CSMD2: variants seen among roughly 807,000 people sequenced by gnomAD.
The protein encoded by CSMD2 is CUB and Sushi multiple domains 2.
A neutral mutation model predicts 398.5 loss-of-function variants in CSMD2; 130 were observed. That is an observed-to-expected ratio of 0.33 (90% CI 0.28 to 0.38). The LOEUF is 0.38. CSMD2 is among the 10% of genes least tolerant of loss of function. The pLI is 1.00. For missense variants in CSMD2, 3,829 were observed against 4,764.9 expected (o/e 0.80, Z 5.78); for synonymous variants, 1,828 against 1,908.5 (o/e 0.96, Z 1.10).
chr1:33,840,350 A>G (rs905009694), intron 6 of CSMD2, among the ~76,000 whole-genome samples: 1 of 152,100 alleles, frequency 6.6e-6, no homozygotes, highest in Non-Finnish European at 1.5e-5. Context: ...CTGCCTGGCT[A>G]CCTCTTATTT....
intron 10 of CSMD2, among the ~76,000 whole-genome samples, chr1:33,803,848 C>G (rs886471866): frequency 6.6e-6 from 1 of 152,228 alleles, no homozygotes. Flanking sequence ...TGCTTTAGTT[C>G]AGGAGATAGA....
intron 19 of CSMD2, among the ~76,000 whole-genome samples, chr1:33,717,091 G>A (rs75086989): frequency 6.6e-6 from 1 of 152,114 alleles, no homozygotes; most frequent in Non-Finnish European, 1.5e-5. Flanking sequence ...AGGGAAGGAA[G>A]AGTGTCCCAG....
At chr1:33,745,048 CTA>C (rs1167285398) in intron 13 of CSMD2, among the ~76,000 whole-genome samples, 4 of 152,234 alleles carry the variant, frequency 2.6e-5, no homozygotes, top group South Asian at 4.1e-4. Context: ...TGTGAACAAA[CTA>C]TATGTCAGCC....
intron 1 of CSMD2, among the ~76,000 whole-genome samples, chr1:34,140,019 T>TGG (rs1639121586): frequency 6.6e-6 from 1 of 152,144 alleles, no homozygotes; most frequent in South Asian, 2.1e-4. Context: ...GGACCATCCA[T>TGG]GGTCCAGAGG....
chr1:33,846,802 C>T (rs1364424066), intron 6 of CSMD2, 82 bp downstream of exon 6: 2 of 796,638 alleles, frequency 2.5e-6, no homozygotes, highest in South Asian at 2.2e-5. Context: ...CACACCGGAC[C>T]CAGTAGGGAG....
chr1:33,917,527 C>G (rs1260760695), intron 5 of CSMD2, among the ~76,000 whole-genome samples: 1 of 152,204 alleles, frequency 6.6e-6, no homozygotes, highest in Non-Finnish European at 1.5e-5. Flanking sequence ...CCATCAACAA[C>G]TGAGACTCTC....
chr1:33,669,666 G>C (rs1276136261), intron 25 of CSMD2, among the ~76,000 whole-genome samples: 2 of 152,224 alleles, frequency 1.3e-5, no homozygotes, highest in African/African-American at 2.4e-5. Flanking sequence ...ATATGCTCAA[G>C]TCCTTACCCC....
intron 1 of CSMD2, among the ~76,000 whole-genome samples, chr1:34,123,266 C>A (rs902183472): frequency 6.6e-6 from 1 of 152,104 alleles, no homozygotes; most frequent in Non-Finnish European, 1.5e-5. Context: ...ATCATGCCTA[C>A]GTAATGAAGC....
At chr1:33,865,414 A>AC (rs1198270100) in intron 5 of CSMD2, among the ~76,000 whole-genome samples, 1 of 151,626 alleles carries the variant, frequency 6.6e-6, no homozygotes, top group Admixed American at 6.6e-5. Context: ...AAAAAAAAAA[A>AC]AAGCAGGGGG....
chr1:33,544,138 G>A (rs898177937), intron 57 of CSMD2, among the ~76,000 whole-genome samples: 18 of 128,612 alleles, frequency 1.4e-4, no homozygotes, highest in Admixed American at 3.8e-4. Context: ...ACGGAGTCTC[G>A]CTCTTTCGCC....
In CSMD2 at chr1:33,586,618, C is replaced by G. The variant is rs766377862; in HGVS notation, c.6938-1G>C. The G allele has an allele frequency of 6.2e-7, 1 of 1,604,010 alleles. No individual in the cohort carries two copies. Among genetic ancestry groups the G allele is most frequent in the Admixed American group, 1.7e-5 (1 of 59,976 alleles). On this transcript the variant is annotated splice_acceptor_variant, in intron 45 of 70. Coordinates refer to ENST00000373381, the MANE Select transcript of CSMD2 (RefSeq NM_001281956.2). LOFTEE classifies it high-confidence loss of function. ...AGGCATCTGTAGCGTACGATGTCAC[C>G]TGTCAAAGAAAGACCAACATGTAGA...
rs1429021887 is a variant in CSMD2 at position 33,956,386 on chromosome 1, C to G, written c.518-20432G>C. The stretch of plus-strand genomic sequence containing the variant: ...TTCTGTCTCTATGAGTTTGACTAGT[C>G]CAAGCACTGCATATAAGTGGAATCA... On this transcript the variant is annotated intron_variant, in intron 3 of 70. Coordinates refer to ENST00000373381, the MANE Select transcript of CSMD2 (RefSeq NM_001281956.2). Among the ~76,000 whole-genome samples the G allele has an allele frequency of 2.0e-5, 3 of 152,054 alleles. No homozygotes were observed. The East Asian group carries it at 5.8e-4, about 29-fold the overall frequency.
intron 3 of CSMD2, among the ~76,000 whole-genome samples, chr1:33,981,680 G>A (rs1378085670): frequency 1.3e-5 from 2 of 152,210 alleles, no homozygotes; most frequent in African/African-American, 4.8e-5. Flanking sequence ...AAGGAGACAG[G>A]TGCTCATACA....
chr1:33,975,780 G>C (rs542046999), intron 3 of CSMD2, among the ~76,000 whole-genome samples: 1 of 152,278 alleles, frequency 6.6e-6, no homozygotes, highest in East Asian at 1.9e-4. Context: ...CTCTCTGTGT[G>C]CATGGCTGTG....
intron 4 of CSMD2, among the ~76,000 whole-genome samples, chr1:33,932,680 G>A (rs1644351941): frequency 1.3e-5 from 2 of 152,174 alleles, no homozygotes; most frequent in Admixed American, 6.5e-5. Flanking sequence ...ACCTCCATGA[G>A]GTGCCCCTCA....
Position 33,662,879 on chromosome 1 carries a change from C to T in CSMD2, c.4255+11G>A, listed in dbSNP as rs1644184311. The stretch of plus-strand genomic sequence containing the variant: ...CATGTGGAGTGGGGCTGGCAGAGGG[C>T]ACGCACAGACCTGAAAATTGAATGG... On this transcript the variant is annotated intron_variant, in intron 26 of 70. Coordinates refer to ENST00000373381, the MANE Select transcript of CSMD2 (RefSeq NM_001281956.2). The T allele has an allele frequency of 1.2e-6, 2 of 1,613,598 alleles. No individual in the cohort carries two copies. Among genetic ancestry groups the T allele is most frequent in the South Asian group, 2.2e-5 (2 of 91,072 alleles).
intron 13 of CSMD2, among the ~76,000 whole-genome samples, chr1:33,770,966 T>G (rs895448511): frequency 6.6e-6 from 1 of 152,188 alleles, no homozygotes; most frequent in Admixed American, 6.5e-5. Context: ...CCAAGTAAAC[T>G]CTTGGAGGGG....
rs889700127 is a variant in CSMD2 at position 33,878,082 on chromosome 1, G to T, written c.921-31086C>A. 2.4e-4 allele frequency: 36 copies of T among 152,280 alleles called. 1 individual carries two copies. The highest frequency in any genetic ancestry group is 2.0e-3 in the Admixed American group (31 of 15,296). 9.4% of individuals were successfully genotyped at this position (152,280 alleles called of 1,614,324 possible). On this transcript the variant is annotated intron_variant, in intron 5 of 70. Transcript: ENST00000373381. ...GTGACCATTTGGGACCAAGCAGAGAGAAGGGGAATAGACCATGTAATATCT... is the reference window on the plus strand; with the variant it reads ...GTGACCATTTGGGACCAAGCAGAGATAAGGGGAATAGACCATGTAATATCT...
At chr1:33,838,416 C>T (rs1660528916) in intron 6 of CSMD2, 1 of 152,150 alleles carries the variant, frequency 6.6e-6, no homozygotes, top group Non-Finnish European at 1.5e-5. Flanking sequence ...TGAAATCTGA[C>T]CTTGCCTTTT....
Sources: gnomAD v4.1 joint callset for allele counts (sites outside exome capture counted in the v4.1 genomes callset) on GRCh38, gnomAD v4.1.1 for gene constraint, MANE v1.5 for transcripts, NCBI Gene and HGNC (gene_info 2026-07-23, HGNC 2026-07-21) for gene names.